The following GOLGA8A variants were observed in gnomAD, a reference collection of about 807,000 sequenced individuals.
GOLGA8A encodes the protein golgin subfamily A member 8A.
A neutral mutation model predicts 22.1 loss-of-function variants in GOLGA8A; 3 were observed. That is an observed-to-expected ratio of 0.14 (90% CI 0.06 to 0.35). The LOEUF (loss-of-function observed/expected upper bound fraction) is 0.35, where lower values mean the gene tolerates loss of function less well. Among genes scored for constraint, GOLGA8A ranks in the 10% least tolerant of loss-of-function variants. GOLGA8A has a pLI of 1.00. For missense variants in GOLGA8A, 16 were observed against 233.2 expected, an observed-to-expected ratio of 0.07 and a Z score of 6.07; for synonymous variants, 7 against 91.7, an observed-to-expected ratio of 0.08 and a Z score of 5.28.
chr15:34,397,236 G>A (rs1800262397), intron 8 of GOLGA8A, among the ~76,000 whole-genome samples: 1 of 138,010 alleles, frequency 7.2e-6, no homozygotes, highest in Non-Finnish European at 1.6e-5. Flanking sequence ...TCCCGCCTCA[G>A]CCTCTCAAAA....
At chr15:34,434,162 C>T (rs946375213) in intron 2 of GOLGA8A, among the ~76,000 whole-genome samples, 1 of 149,420 alleles carries the variant, frequency 6.7e-6, no homozygotes, top group African/African-American at 2.5e-5. Flanking sequence ...CTGCCTGGAG[C>T]CAGGAGAGCC....
At position 34,433,114 on chromosome 15, in the gene GOLGA8A, G is replaced by A. The variant is rs75794292; in HGVS notation, c.-1123+2269C>T. ...TACTCCAAATCCCATCCTCTTTTCT[G>A]ACCTCCCAGTCCCTTTCTCATAAAA... is the stretch of plus-strand genomic sequence containing the variant. On this transcript the variant is annotated intron_variant, in intron 2 of 24. Coordinates refer to ENST00000359187, the MANE Select transcript of GOLGA8A (RefSeq NM_181077.5). Among the ~76,000 whole-genome samples the A allele has an allele frequency of 4.0e-5, 6 of 148,768 alleles. No homozygotes were observed. The East Asian group carries it at 9.9e-4, about 25-fold the overall frequency.
intron 2 of GOLGA8A, among the ~76,000 whole-genome samples, chr15:34,428,279 G>A (rs1388105785): frequency 1.4e-5 from 2 of 147,576 alleles, no homozygotes; most frequent in South Asian, 2.2e-4. Context: ...TTTTTTTGTA[G>A]AGGTGAGGTC....
In GOLGA8A at chr15:34,379,896, G is replaced by T. The variant is rs1891393482; in HGVS notation, c.*1515C>A. ...TATTGCACAAAGTATGTCCCTGACT[G>T]AAAATGAGAGGTACAAAAACGTATT... On this transcript the variant is annotated 3_prime_UTR_variant, in exon 25 of 25. Coordinates refer to ENST00000359187, the MANE Select transcript of GOLGA8A (RefSeq NM_181077.5). 1 of 152,646 alleles carries T rather than the reference G, an allele frequency of 6.6e-6. No individual in the cohort carries two copies. Among genetic ancestry groups the T allele is most frequent in the East Asian group, 1.9e-4 (1 of 5,196 alleles). 9.5% of individuals were successfully genotyped at this position (152,646 alleles called of 1,614,324 possible). A position where few individuals can be genotyped will look rare whatever the true frequency, so the allele number is the denominator to read the frequency against.
rs1893486831 is a variant in GOLGA8A, at chr15:34,435,930, C to G, written c.-1211-459G>C. On this transcript the variant is annotated intron_variant, in intron 1 of 24. Coordinates refer to ENST00000359187, the MANE Select transcript of GOLGA8A (RefSeq NM_181077.5). ...GGAGCCCCAGCAGGTTCCACGTGTC[C>G]TTGTCACCCCAGCCCTCCTGCCCCG... is the stretch of plus-strand genomic sequence containing the variant. 1.3e-5 allele frequency among the ~76,000 whole-genome samples: 2 copies of G among 149,146 alleles called. 1 individual carries two copies. The highest frequency in any genetic ancestry group is 3.0e-5 in the Non-Finnish European group (2 of 67,064).
chr15:34,426,792 C>T (rs1303083428), intron 2 of GOLGA8A, among the ~76,000 whole-genome samples: 1 of 143,484 alleles, frequency 7.0e-6, no homozygotes, highest in Non-Finnish European at 1.5e-5. Context: ...ACCTGTAGTC[C>T]CAGCTACTCA....
intron 2 of GOLGA8A, among the ~76,000 whole-genome samples, chr15:34,421,228 C>T (rs1472810226): frequency 2.1e-5 from 3 of 143,476 alleles, no homozygotes; most frequent in Non-Finnish European, 3.1e-5. Context: ...GGGGCAGAGA[C>T]GTGAAACAGG....
Position 34,379,989 on chromosome 15 carries a change from TAC to T in GOLGA8A, c.*1420_*1421del, listed in dbSNP as rs945902794. On this transcript the variant is annotated 3_prime_UTR_variant, in exon 25 of 25. Coordinates refer to ENST00000359187, the MANE Select transcript of GOLGA8A (RefSeq NM_181077.5). ...ATCGTATAGACATGTTTCCTGATAA[TAC>T]AGACATTCACAAACAGTAGATTGCA... 2 of 152,666 alleles carry T rather than the reference TAC, an allele frequency of 1.3e-5. No homozygotes were observed. The highest frequency in any genetic ancestry group is 2.4e-5 in the African/African-American group (1 of 41,464). 9.5% of individuals were successfully genotyped at this position (152,666 alleles called of 1,614,324 possible). A position where few individuals can be genotyped will look rare whatever the true frequency, so the allele number is the denominator to read the frequency against.
intron 2 of GOLGA8A, among the ~76,000 whole-genome samples, chr15:34,434,520 GCC>G (rs1341538811): frequency 6.7e-6 from 1 of 149,096 alleles, no homozygotes; most frequent in African/African-American, 2.5e-5. Context: ...AAACGACAGT[GCC>G]CATGACAGCT....
Position 34,379,479 on chromosome 15 carries a change from GTAA to G in GOLGA8A, c.*1929_*1931del, listed in dbSNP as rs2140186582. The G allele has an allele frequency of 1.3e-5, 2 of 152,724 alleles. No individual in the cohort carries two copies. The highest frequency in any genetic ancestry group is 4.1e-4 in the South Asian group (2 of 4,832). 9.5% of individuals were successfully genotyped at this position (152,724 alleles called of 1,614,324 possible). On this transcript the variant is annotated 3_prime_UTR_variant, in exon 25 of 25. Coordinates refer to ENST00000359187, the MANE Select transcript of GOLGA8A (RefSeq NM_181077.5). ...TTTATCATTCTGAAACTGGATTTGTGTAATACATTGATAAATTCATACAATTTG... is the reference window on the plus strand; with the variant it reads ...TTTATCATTCTGAAACTGGATTTGTGTACATTGATAAATTCATACAATTTG...
chr15:34,422,962 G>A (rs1892843703), intron 2 of GOLGA8A, among the ~76,000 whole-genome samples: 1 of 126,824 alleles, frequency 7.9e-6, no homozygotes, highest in Non-Finnish European at 1.7e-5. Context: ...ACAGACAACT[G>A]TTCCACCTCT....
At chr15:34,384,465 A>AT (rs1891625690) in intron 16 of GOLGA8A, among the ~76,000 whole-genome samples, 1 of 120,256 alleles carries the variant, frequency 8.3e-6, no homozygotes, top group East Asian at 2.4e-4. Context: ...CTCTAAGCCC[A>AT]TTTTTCTGCT....
rs190183012 is a variant in GOLGA8A at position 34,421,547 on chromosome 15, C to G, written c.-1122-13812G>C. 2.8e-3 allele frequency among the ~76,000 whole-genome samples: 397 copies of G among 143,220 alleles called. 36 individuals are homozygous for G. The highest frequency in any genetic ancestry group is 3.6e-3 in the Non-Finnish European group (233 of 65,514). 94.0% of individuals were successfully genotyped at this position (143,220 alleles called of 152,430 possible). A position where few individuals can be genotyped will look rare whatever the true frequency, so the allele number is the denominator to read the frequency against. ...AGTTAACGTACAGATTACTCGTTTT[C>G]AAGCAACACACAATGATACAAGTAA... On this transcript the variant is annotated intron_variant, in intron 2 of 24. Coordinates refer to ENST00000359187, the MANE Select transcript of GOLGA8A (RefSeq NM_181077.5).
chr15:34,425,036 G>A lies in GOLGA8A; in HGVS notation c.-1123+10347C>T, dbSNP rs535338973. Among the ~76,000 whole-genome samples the A allele has an allele frequency of 1.4e-3, 206 of 146,752 alleles. 11 individuals are homozygous for A. The highest frequency in any genetic ancestry group is 4.9e-3 in the African/African-American group (194 of 39,636). On this transcript the variant is annotated intron_variant, in intron 2 of 24. Transcript: ENST00000359187. ...CAGGAAGTCAAGGCTGCAATGAGCC[G>A]TGTTCGCACCGCTGCAATCCAGCCT...
Position 34,386,561 on chromosome 15 carries a change from C to T in GOLGA8A, c.285+64G>A. ...GGCCCCCAGCCCCCTTCTTCAGGGC[C>T]CCAAGAGGAAACCGGAGCCCAGGAT... On this transcript the variant is annotated intron_variant, in intron 12 of 24. Coordinates refer to ENST00000359187, the MANE Select transcript of GOLGA8A (RefSeq NM_181077.5). 3.6e-6 allele frequency: 5 copies of T among 1,382,254 alleles called. 1 individual carries two copies. The highest frequency in any genetic ancestry group is 2.9e-6 in the Non-Finnish European group (3 of 1,038,040). 85.6% of individuals were successfully genotyped at this position (1,382,254 alleles called of 1,614,324 possible).
At chr15:34,434,429 T>C (rs2554781) in intron 2 of GOLGA8A, among the ~76,000 whole-genome samples, 3 of 148,140 alleles carry the variant, frequency 2.0e-5, no homozygotes, top group African/African-American at 7.5e-5. Context: ...GGCTGCATGA[T>C]CTTGAGGTCA....
chr15:34,427,157 CT>C (rs1566912404), intron 2 of GOLGA8A, among the ~76,000 whole-genome samples: 1 of 145,516 alleles, frequency 6.9e-6, no homozygotes, highest in Non-Finnish European at 1.5e-5. Context: ...ACGGTGAAAC[CT>C]CGTCTGTACT....
chr15:34,419,974 G>A (rs1005818200), intron 2 of GOLGA8A: 1 of 142,952 alleles, frequency 7.0e-6, no homozygotes, highest in African/African-American at 2.8e-5. Flanking sequence ...AGGGGAGTTA[G>A]CGGACACAGA....
chr15:34,434,490 T>C (rs1202151616), intron 2 of GOLGA8A, among the ~76,000 whole-genome samples: 5 of 148,960 alleles, frequency 3.4e-5, no homozygotes, highest in Non-Finnish European at 6.0e-5. Flanking sequence ...GAGGGGAGGA[T>C]TGGCTTCAGG....
Sources: allele counts gnomAD v4.1 joint callset (sites outside exome capture counted in the v4.1 genomes callset), GRCh38; gene constraint gnomAD v4.1.1; transcripts MANE v1.5; gene names NCBI Gene and HGNC (gene_info 2026-07-23, HGNC 2026-07-21).